ASIC2: variants seen among roughly 807,000 people sequenced by gnomAD.
The protein encoded by ASIC2 is acid sensing ion channel subunit 2.
In ASIC2, 25 loss-of-function variants were observed where a neutral mutation model predicts 57.3. That is an observed-to-expected ratio of 0.44 (90% confidence interval 0.32 to 0.61). The LOEUF is 0.61. Among genes scored for constraint, ASIC2 ranks in the 20% least tolerant of loss-of-function variants. The pLI is 0.06. For missense variants in ASIC2, 641 were observed against 738.1 expected, an observed-to-expected ratio of 0.87 and a Z score of 1.52; for synonymous variants, 319 against 307.5, an observed-to-expected ratio of 1.04 and a Z score of -0.39.
At chr17:33,709,422 CT>C (rs1363134039) in intron 1 of ASIC2, among the ~76,000 whole-genome samples, 1 of 152,184 alleles carries the variant, frequency 6.6e-6, no homozygotes, top group Non-Finnish European at 1.5e-5. Flanking sequence ...ACCTAATGTA[CT>C]CACAGGTGGC....
intron 1 of ASIC2, among the ~76,000 whole-genome samples, chr17:33,887,001 A>G (rs1223374893): frequency 2.6e-5 from 4 of 152,206 alleles, no homozygotes; most frequent in Non-Finnish European, 5.9e-5. Context: ...ACTTGGAATC[A>G]GGGAGCAGGA....
intron 1 of ASIC2, among the ~76,000 whole-genome samples, chr17:34,115,456 A>T (rs1350206287): frequency 6.6e-6 from 1 of 152,174 alleles, no homozygotes; most frequent in Non-Finnish European, 1.5e-5. Context: ...CACCCAAAGA[A>T]ACCATTTCAT....
intron 1 of ASIC2, among the ~76,000 whole-genome samples, chr17:33,265,903 C>G (rs1909440717): frequency 6.6e-6 from 1 of 152,134 alleles, no homozygotes; most frequent in African/African-American, 2.4e-5. Context: ...TTTCTCATAA[C>G]ATGGAAACTG....
chr17:33,578,490 C>G (rs182422831), intron 1 of ASIC2, among the ~76,000 whole-genome samples: 1 of 152,124 alleles, frequency 6.6e-6, no homozygotes. Flanking sequence ...AATGGGTGGG[C>G]GAGACAATTG....
intron 1 of ASIC2, among the ~76,000 whole-genome samples, chr17:33,305,041 A>G (rs1906112550): frequency 6.6e-6 from 1 of 152,138 alleles, no homozygotes; most frequent in African/African-American, 2.4e-5. Context: ...ATACCCTTTG[A>G]GGAATCAAAA....
intron 1 of ASIC2, among the ~76,000 whole-genome samples, chr17:33,925,698 C>T (rs1349648236): frequency 6.6e-6 from 1 of 152,186 alleles, no homozygotes; most frequent in African/African-American, 2.4e-5. Context: ...CTTCTAAATC[C>T]AATTCTGGGT....
intron 1 of ASIC2, among the ~76,000 whole-genome samples, chr17:33,844,604 C>T (rs1308030996): frequency 6.6e-6 from 1 of 152,316 alleles, no homozygotes; most frequent in Admixed American, 6.5e-5. Context: ...TGATAGTCAT[C>T]TGGGAATGGA....
At chr17:33,657,906 A>C (rs995211282) in intron 1 of ASIC2, among the ~76,000 whole-genome samples, 1 of 152,216 alleles carries the variant, frequency 6.6e-6, no homozygotes, top group Non-Finnish European at 1.5e-5. Flanking sequence ...CAAGTTAATT[A>C]GAGCCTGGGG....
chr17:33,399,920 C>G (rs908066086), intron 1 of ASIC2, among the ~76,000 whole-genome samples: 5 of 152,200 alleles, frequency 3.3e-5, no homozygotes, highest in African/African-American at 1.2e-4. Flanking sequence ...ACTCTGCAGA[C>G]AAGCCTGGGA....
chr17:33,349,657 G>C (rs1226886832), intron 1 of ASIC2, among the ~76,000 whole-genome samples: 1 of 152,118 alleles, frequency 6.6e-6, no homozygotes, highest in Non-Finnish European at 1.5e-5. Flanking sequence ...AGTTTTCTTT[G>C]TGAAATGCCA....
Position 33,184,670 on chromosome 17 carries a change from C to T in ASIC2, c.709-72603G>A, listed in dbSNP as rs756083864. ...CCCTCAACTCCACTTCCATCCTTTGCTGCCCTATTTACACATCTCCCTGCA... is the reference window on the plus strand; with the variant it reads ...CCCTCAACTCCACTTCCATCCTTTGTTGCCCTATTTACACATCTCCCTGCA... On this transcript the variant is annotated intron_variant, in intron 1 of 9. Coordinates refer to ENST00000225823, the MANE Select transcript of ASIC2 (RefSeq NM_183377.2). Among the ~76,000 whole-genome samples, 9 of 152,302 alleles carry T rather than the reference C, an allele frequency of 5.9e-5. No homozygotes were observed. The East Asian group carries it at 1.5e-3, about 26-fold the overall frequency.
At chr17:33,964,974 T>A (rs572755216) in intron 1 of ASIC2, among the ~76,000 whole-genome samples, 1 of 152,258 alleles carries the variant, frequency 6.6e-6, no homozygotes, top group South Asian at 2.1e-4. Flanking sequence ...ACGGACCTCA[T>A]CCCTACACTG....
At chr17:33,138,552 C>T (rs1272588707) in intron 1 of ASIC2, among the ~76,000 whole-genome samples, 1 of 152,166 alleles carries the variant, frequency 6.6e-6, no homozygotes, top group African/African-American at 2.4e-5. Flanking sequence ...TTGACCATTG[C>T]CCGTGGATTT....
Position 33,451,893 on chromosome 17 carries a change from A to G in ASIC2, c.556-339826T>C, listed in dbSNP as rs80231988. Among the ~76,000 whole-genome samples the G allele has an allele frequency of 7.0e-3, 1,067 of 152,264 alleles. 46 individuals carry two copies. The East Asian group carries it at 0.095, about 14-fold the overall frequency. ...TTTGTGTGCACATTTGTTGACTACT[A>G]TTCTCCCTTATATGTCTATGATGGT... On this transcript the variant is annotated intron_variant, in intron 1 of 9. Coordinates refer to the ASIC2 transcript ENST00000359872.
intron 1 of ASIC2, among the ~76,000 whole-genome samples, chr17:33,986,409 A>G (rs1414905943): frequency 1.3e-5 from 2 of 152,142 alleles, no homozygotes; most frequent in Non-Finnish European, 2.9e-5. Context: ...GGAGCATCTC[A>G]GCATGACCAC....
intron 1 of ASIC2, among the ~76,000 whole-genome samples, chr17:33,732,627 T>TTTTTTTA (rs1341621219): frequency 2.6e-5 from 4 of 151,738 alleles, no homozygotes; most frequent in Admixed American, 2.6e-4. Flanking sequence ...CCTCCTGAAT[T>TTTTTTTA]TTTTTTATTT....
At chr17:33,723,807 C>A (rs1019147082) in intron 1 of ASIC2, among the ~76,000 whole-genome samples, 4 of 152,146 alleles carry the variant, frequency 2.6e-5, no homozygotes, top group African/African-American at 9.7e-5. Flanking sequence ...TGAATGCTTA[C>A]CAAGATGCAA....
At chr17:33,031,968 A>T (rs1202807220) in intron 3 of ASIC2, among the ~76,000 whole-genome samples, 3 of 152,156 alleles carry the variant, frequency 2.0e-5, no homozygotes, top group African/African-American at 7.2e-5. Context: ...TTCTACTTTT[A>T]ACTGTCAGAA....
At chr17:33,807,356 G>A (rs1199669864) in intron 1 of ASIC2, among the ~76,000 whole-genome samples, 3 of 152,166 alleles carry the variant, frequency 2.0e-5, no homozygotes, top group Non-Finnish European at 4.4e-5. Flanking sequence ...TCTGCTATTT[G>A]ACAATATTTG....
Sources: gnomAD v4.1 joint callset for allele counts (sites outside exome capture counted in the v4.1 genomes callset) on GRCh38, gnomAD v4.1.1 for gene constraint, MANE v1.5 for transcripts, NCBI Gene and HGNC (gene_info 2026-07-23, HGNC 2026-07-21) for gene names.